ARHGAP15: variants seen among roughly 807,000 people sequenced by gnomAD.
ARHGAP15 encodes Rho GTPase activating protein 15.
In ARHGAP15, 51 loss-of-function variants were observed where a neutral mutation model predicts 63.7. That is an observed-to-expected ratio of 0.80 (90% confidence interval 0.64 to 1.01). ARHGAP15 has a LOEUF of 1.01. ARHGAP15 is among the 50% of genes least tolerant of loss of function. The pLI is 0.00. For synonymous variants in ARHGAP15, 191 were observed against 193.8 expected, an observed-to-expected ratio of 0.99 and a Z score of 0.12; for missense variants, 560 against 564.6, an observed-to-expected ratio of 0.99 and a Z score of 0.08.
At chr2:143,437,107 T>A (rs1689648164) in intron 8 of ARHGAP15, 65 bp downstream of exon 8, 5 of 1,497,226 alleles carry the variant, frequency 3.3e-6, no homozygotes, top group Non-Finnish European at 4.5e-6. Flanking sequence ...GAAATATAAA[T>A]GCATTGAAAT....
intron 6 of ARHGAP15, among the ~76,000 whole-genome samples, chr2:143,410,967 G>A (rs1688416882): frequency 6.6e-6 from 1 of 152,158 alleles, no homozygotes; most frequent in South Asian, 2.1e-4. Context: ...ACTTTGGAAG[G>A]CCAAGGCAGA....
At chr2:143,664,963 T>A (rs1254134434) in intron 12 of ARHGAP15, among the ~76,000 whole-genome samples, 1 of 151,718 alleles carries the variant, frequency 6.6e-6, no homozygotes, top group Non-Finnish European at 1.5e-5. Flanking sequence ...ACCAGATGGA[T>A]TCACAGCCGA....
At chr2:143,588,067 G>A (rs67555850) in intron 11 of ARHGAP15, among the ~76,000 whole-genome samples, 42,462 of 151,896 alleles carry the variant, frequency 0.28, 6,598 homozygotes, top group African/African-American at 0.42. Context: ...CTATGTAATT[G>A]TCCCCCTAAC....
At chr2:143,556,308 G>A (rs1695795494) in intron 10 of ARHGAP15, 100 bp from the exon 11 acceptor site, 2 of 887,398 alleles carry the variant, frequency 2.3e-6, no homozygotes, top group Middle Eastern at 2.8e-4. Context: ...TTTTATCTGA[G>A]AAGAATAGAT....
intron 11 of ARHGAP15, 21 bp from the exon 12 acceptor site, chr2:143,624,112 T>C (rs778141902): frequency 1.2e-6 from 2 of 1,611,442 alleles, no homozygotes; most frequent in Non-Finnish European, 1.7e-6. Context: ...AGTTGTTCCA[T>C]TTCTCCTCGT....
Position 143,485,862 on chromosome 2 carries a change from T to C in ARHGAP15, c.704-1511T>C, listed in dbSNP as rs554144138. 3.9e-5 allele frequency among the ~76,000 whole-genome samples: 6 copies of C among 152,320 alleles called. No homozygotes were observed. The South Asian group carries it at 1.2e-3, about 32-fold the overall frequency. On this transcript the variant is annotated intron_variant, in intron 8 of 13. Transcript: ENST00000295095. The stretch of plus-strand genomic sequence containing the variant: ...TTTCAGGTAGCAAGAATTGTCTCAA[T>C]TTAGTAATTTACAGTACCTAGTCCT...
At chr2:143,137,080 AC>A (rs766009688) in intron 1 of ARHGAP15, among the ~76,000 whole-genome samples, 7 of 152,054 alleles carry the variant, frequency 4.6e-5, no homozygotes, top group Non-Finnish European at 1.0e-4. Flanking sequence ...ATTCCAAATG[AC>A]TATTATACTT....
intron 10 of ARHGAP15, among the ~76,000 whole-genome samples, chr2:143,551,781 T>C (rs1288759849): frequency 6.6e-6 from 1 of 152,052 alleles, no homozygotes; most frequent in Non-Finnish European, 1.5e-5. Context: ...AAATGGCAGA[T>C]AGGTACAAAA....
chr2:143,283,064 C>G (rs1485608275), intron 6 of ARHGAP15, among the ~76,000 whole-genome samples: 3 of 152,078 alleles, frequency 2.0e-5, no homozygotes, highest in Non-Finnish European at 2.9e-5. Flanking sequence ...CTTTCTATGC[C>G]CAAATGATTT....
intron 6 of ARHGAP15, among the ~76,000 whole-genome samples, chr2:143,396,902 T>C (rs1184637525): frequency 6.6e-6 from 1 of 152,096 alleles, no homozygotes; most frequent in African/African-American, 2.4e-5. Context: ...ATATGAATTA[T>C]CTCAATATTT....
rs1334575350 is a variant in ARHGAP15, at chr2:143,583,434, C to T, written c.1003+26949C>T. Among the ~76,000 whole-genome samples the T allele has an allele frequency of 2.0e-5, 3 of 152,160 alleles. No individual in the cohort carries two copies. In the East Asian group the frequency reaches 5.8e-4, roughly 29 times the overall value. On this transcript the variant is annotated intron_variant, in intron 11 of 13. Coordinates refer to ENST00000295095, the MANE Select transcript of ARHGAP15 (RefSeq NM_018460.4). ...TTGTCATTTGTTTAATTTGTTTGTT[C>T]CCAGTAGTAGTTTTACAGATTTTTA...
At chr2:143,736,233 A>G (rs1685739770) in intron 13 of ARHGAP15, among the ~76,000 whole-genome samples, 1 of 152,106 alleles carries the variant, frequency 6.6e-6, no homozygotes, top group Admixed American at 6.5e-5. Flanking sequence ...CCTTGTCTCT[A>G]CTAAATACAA....
rs58194704 is a variant in ARHGAP15, at chr2:143,407,987, GTATATATATATATATA to G, written c.475-27584_475-27569del. Reference sequence around the variant, plus strand: ...TTTTTAAAGTCTGACTTCTGTGTGTGTATATATATATATATATATATATATATATATATATATATAT... The same window carrying G: ...TTTTTAAAGTCTGACTTCTGTGTGTGTATATATATATATATATATATATAT... On this transcript the variant is annotated intron_variant, in intron 6 of 13. Transcript: ENST00000295095. Among the ~76,000 whole-genome samples the G allele has an allele frequency of 8.1e-3, 629 of 77,472 alleles. 16 individuals carry two copies. Among genetic ancestry groups the G allele is most frequent in the African/African-American group, 0.025 (556 of 22,488 alleles). The allele number at this position is 77,472 out of a possible 152,430, so 50.8% of individuals were successfully genotyped here.
intron 13 of ARHGAP15, among the ~76,000 whole-genome samples, chr2:143,722,712 A>C (rs1314318723): frequency 6.6e-6 from 1 of 152,246 alleles, no homozygotes; most frequent in Non-Finnish European, 1.5e-5. Flanking sequence ...GTCTCCAGTG[A>C]AAGGTGGAGC....
At chr2:143,746,117 ATAT>A (rs1163322916) in intron 13 of ARHGAP15, among the ~76,000 whole-genome samples, 3 of 152,172 alleles carry the variant, frequency 2.0e-5, no homozygotes, top group Admixed American at 2.0e-4. Flanking sequence ...TCTTCTGTAT[ATAT>A]TATTTGGATT....
intron 6 of ARHGAP15, among the ~76,000 whole-genome samples, chr2:143,404,240 G>A (rs949821593): frequency 4.6e-5 from 7 of 150,878 alleles, no homozygotes; most frequent in African/African-American, 1.7e-4. Context: ...AGGAGATGGA[G>A]AAAACAAGAA....
At chr2:143,538,705 C>A (rs1223611239) in intron 10 of ARHGAP15, among the ~76,000 whole-genome samples, 1 of 152,168 alleles carries the variant, frequency 6.6e-6, no homozygotes, top group African/African-American at 2.4e-5. Context: ...TATGTTGAAC[C>A]AGCCTTGCAT....
chr2:143,345,152 A>C (rs1440404764), intron 6 of ARHGAP15, among the ~76,000 whole-genome samples: 1 of 152,114 alleles, frequency 6.6e-6, no homozygotes. Context: ...ATTTATTTTC[A>C]ATTTCATTTC....
chr2:143,251,019 A>G (rs923534364), intron 6 of ARHGAP15, among the ~76,000 whole-genome samples: 9 of 151,992 alleles, frequency 5.9e-5, no homozygotes, highest in Non-Finnish European at 1.2e-4. Flanking sequence ...TACCAGTATA[A>G]CTTACAAGAA....
Sources: allele counts gnomAD v4.1 joint callset (sites outside exome capture counted in the v4.1 genomes callset), GRCh38; gene constraint gnomAD v4.1.1; transcripts MANE v1.5; gene names NCBI Gene and HGNC (gene_info 2026-07-23, HGNC 2026-07-21).